The following SCP2 variants were observed in gnomAD, a reference collection of about 807,000 sequenced individuals.
SCP2 encodes SCP-2/3-oxoacyl-CoA thiolase.
A neutral mutation model predicts 71.4 loss-of-function variants in SCP2; 48 were observed. That is an observed-to-expected ratio of 0.67 (90% CI 0.53 to 0.86). SCP2 has a LOEUF of 0.86. Ranked by LOEUF, SCP2 falls within the 40% of genes least tolerant of loss-of-function variation. The pLI is 0.00. For missense variants in SCP2, 560 were observed against 655.6 expected (o/e 0.85, Z 1.59); for synonymous variants, 220 against 218.1 (o/e 1.01, Z -0.08).
intron 14 of SCP2, among the ~76,000 whole-genome samples, chr1:53,041,775 C>G (rs985251661): frequency 1.3e-5 from 2 of 152,144 alleles, no homozygotes; most frequent in African/African-American, 4.8e-5. Flanking sequence ...AATTTCGTTA[C>G]TGGCACATTT....
At chr1:52,956,370 T>A (rs939475815) in intron 5 of SCP2, among the ~76,000 whole-genome samples, 1 of 152,186 alleles carries the variant, frequency 6.6e-6, no homozygotes, top group African/African-American at 2.4e-5. Context: ...ATCTAACTTA[T>A]GTGATCAACC....
chr1:52,947,968 T>C (rs1654949915), intron 2 of SCP2, 41 bp from the exon 3 acceptor site: 2 of 1,385,894 alleles, frequency 1.4e-6, no homozygotes, highest in South Asian at 2.3e-5. Flanking sequence ...CTAAAACAAA[T>C]ACTTAAAGCA....
intron 3 of SCP2, among the ~76,000 whole-genome samples, chr1:52,948,331 T>C (rs139018847): frequency 6.6e-6 from 1 of 152,334 alleles, no homozygotes; most frequent in East Asian, 1.9e-4. Context: ...CAAATTATAC[T>C]GTAAAGATCT....
intron 11 of SCP2, 96 bp from the exon 12 acceptor site, chr1:53,014,786 GGCCTCGGC>G: frequency 7.9e-7 from 1 of 1,266,526 alleles, no homozygotes; most frequent in Non-Finnish European, 1.1e-6. Context: ...ACACAAACGT[GGCCTCGGC>G]TTAATCAAAT....
intron 11 of SCP2, among the ~76,000 whole-genome samples, chr1:52,992,171 A>C (rs1319562892): frequency 6.6e-6 from 1 of 152,152 alleles, no homozygotes; most frequent in Non-Finnish European, 1.5e-5. Flanking sequence ...GTTCTACCAC[A>C]GTTTCTGTAG....
intron 10 of SCP2, among the ~76,000 whole-genome samples, chr1:52,984,903 G>A (rs1658849022): frequency 7.0e-6 from 1 of 142,016 alleles, no homozygotes; most frequent in Admixed American, 7.1e-5. Context: ...ACAATGGTGA[G>A]ATCTCAGCTC....
chr1:52,982,520 A>T (rs547185536), intron 10 of SCP2, among the ~76,000 whole-genome samples: 1 of 152,156 alleles, frequency 6.6e-6, no homozygotes, highest in African/African-American at 2.4e-5. Flanking sequence ...CAGGGAGCTG[A>T]TATCATACCA....
intron 10 of SCP2, among the ~76,000 whole-genome samples, chr1:52,985,001 G>A (rs948496048): frequency 6.0e-5 from 9 of 150,808 alleles, no homozygotes; most frequent in Non-Finnish European, 7.4e-5. Flanking sequence ...CACCACGCCC[G>A]GCTAATTTTT....
rs886495557 is a variant in SCP2, at chr1:53,039,099, G to A, written c.1468+53G>A. On this transcript the variant is annotated intron_variant, in intron 14 of 15. Transcript: ENST00000371514. ...GAGCACTGACGAGTTTACGAAGGCT[G>A]TCAGCTGGGAAAATGGGGGTCTGCT... 3 of 1,608,572 alleles carry A rather than the reference G, an allele frequency of 1.9e-6. No individual in the cohort carries two copies. In the African/African-American group the frequency reaches 4.0e-5, roughly 22 times the overall value.
intron 2 of SCP2, among the ~76,000 whole-genome samples, chr1:52,942,694 G>GT (rs147939561): frequency 0.039 from 4,649 of 120,530 alleles, 159 homozygotes; most frequent in Non-Finnish European, 0.049. Context: ...AATTTAACAG[G>GT]TTTTTTTTTT....
At chr1:53,034,073 G>A (rs1449542168) in intron 13 of SCP2, among the ~76,000 whole-genome samples, 2 of 152,136 alleles carry the variant, frequency 1.3e-5, no homozygotes, top group Non-Finnish European at 2.9e-5. Context: ...AGACCAGCCA[G>A]GCCAACATGG....
rs60893788 is a variant in SCP2 at position 52,999,815 on chromosome 1, G to GTTTTTT, written c.1081+11693_1081+11698dup. 5.5e-5 allele frequency among the ~76,000 whole-genome samples: 6 copies of GTTTTTT among 109,384 alleles called. 1 individual carries two copies. Among genetic ancestry groups the GTTTTTT allele is most frequent in the East Asian group, 3.0e-4 (1 of 3,296 alleles). The allele number at this position is 109,384 out of a possible 152,430, so 71.8% of individuals were successfully genotyped here. On this transcript the variant is annotated intron_variant, in intron 11 of 15. Coordinates refer to ENST00000371514, the MANE Select transcript of SCP2 (RefSeq NM_002979.5). ...ACTATCCAACACTTACTGAACACTT[G>GTTTTTT]TTTTTTTTTTTTTTTTTTTGAGACA...
At position 53,014,872 on chromosome 1, in the gene SCP2, C is replaced by A; in HGVS notation, c.1082-18C>A. On this transcript the variant is annotated intron_variant, in intron 11 of 15. Coordinates refer to ENST00000371514, the MANE Select transcript of SCP2 (RefSeq NM_002979.5). ...AAGCTGGTGGAAGCAGCTCAGTGCT[C>A]TGTGTTCGATTTGTTAGGTCTTGCT... The A allele has an allele frequency of 6.2e-7, 1 of 1,612,142 alleles. No individual in the cohort carries two copies. Among genetic ancestry groups the A allele is most frequent in the South Asian group, 1.1e-5 (1 of 90,930 alleles).
At chr1:52,949,296 A>C (rs932664523) in intron 3 of SCP2, among the ~76,000 whole-genome samples, 5 of 151,802 alleles carry the variant, frequency 3.3e-5, no homozygotes, top group African/African-American at 1.2e-4. Flanking sequence ...TTTGCTGAAG[A>C]CTCCTGGAGC....
intron 13 of SCP2, 73 bp downstream of exon 13, chr1:53,028,144 C>T: frequency 1.2e-6 from 1 of 816,308 alleles, no homozygotes; most frequent in Non-Finnish European, 2.1e-6. Context: ...TCAGGTGTTG[C>T]CACGAGGTGG....
At chr1:53,011,409 A>G (rs1660982584) in intron 11 of SCP2, among the ~76,000 whole-genome samples, 1 of 152,212 alleles carries the variant, frequency 6.6e-6, no homozygotes, top group South Asian at 2.1e-4. Flanking sequence ...CATTTACATT[A>G]CACTGTGAAT....
chr1:53,020,748 C>A (rs571661607), intron 12 of SCP2, among the ~76,000 whole-genome samples: 10 of 152,158 alleles, frequency 6.6e-5, no homozygotes, highest in African/African-American at 2.4e-4. Flanking sequence ...TCCCACCATA[C>A]CTCTATGAGG....
chr1:53,011,436 C>T (rs539486434), intron 11 of SCP2, among the ~76,000 whole-genome samples: 1 of 152,154 alleles, frequency 6.6e-6, no homozygotes, highest in Non-Finnish European at 1.5e-5. Context: ...TTATCTTTAA[C>T]ATTTGGTAGA....
At chr1:52,987,172 A>T (rs1018583549) in intron 10 of SCP2, among the ~76,000 whole-genome samples, 6 of 151,850 alleles carry the variant, frequency 4.0e-5, no homozygotes, top group Non-Finnish European at 8.8e-5. Context: ...CGGCCTCCCA[A>T]AGTTCTGGGA....
Sources: gnomAD v4.1 joint callset for allele counts (sites outside exome capture counted in the v4.1 genomes callset) on GRCh38, gnomAD v4.1.1 for gene constraint, MANE v1.5 for transcripts, NCBI Gene and HGNC (gene_info 2026-07-23, HGNC 2026-07-21) for gene names.